The following MAST4 variants were observed in gnomAD, a reference collection of about 807,000 sequenced individuals.
MAST4 encodes the protein microtubule-associated serine/threonine-protein kinase 4.
A neutral mutation model predicts 162.7 loss-of-function variants in MAST4; 89 were observed. That is an observed-to-expected ratio of 0.55 (90% CI 0.46 to 0.65). The LOEUF (loss-of-function observed/expected upper bound fraction) is 0.65. Ranked by LOEUF, MAST4 falls within the 30% of genes least tolerant of loss-of-function variation. The probability of loss-of-function intolerance (pLI) is 0.00; values close to 1 mark genes in which losing one functional copy is unlikely to be tolerated. For missense variants in MAST4, 3,153 were observed against 3,374.0 expected (o/e 0.93, Z 1.62); for synonymous variants, 1,479 against 1,361.1 (o/e 1.09, Z -1.91).
At chr5:66,820,650 C>T (rs1055048411) in intron 3 of MAST4, among the ~76,000 whole-genome samples, 2 of 152,024 alleles carry the variant, frequency 1.3e-5, no homozygotes, top group Admixed American at 6.6e-5. Flanking sequence ...TTGTTGGATT[C>T]GTGTGTTTGC....
At chr5:67,107,454 G>A (rs574050590) in intron 10 of MAST4, among the ~76,000 whole-genome samples, 1 of 152,328 alleles carries the variant, frequency 6.6e-6, no homozygotes, top group Admixed American at 6.5e-5. Context: ...TTCTTGTTTA[G>A]CTTTGCAGAT....
intron 2 of MAST4, among the ~76,000 whole-genome samples, chr5:66,782,104 C>T (rs1190849924): frequency 1.3e-5 from 2 of 151,984 alleles, no homozygotes; most frequent in Non-Finnish European, 2.9e-5. Flanking sequence ...GCCTGGCCGA[C>T]ATGGTGAAAC....
In MAST4 at chr5:67,086,369, C is replaced by G. The variant is rs569436469; in HGVS notation, c.764-3793C>G. ...GGACTTCTCCAATCTAATTACAAAG[C>G]AATCAAACAATTTAATTAATCTGGA... On this transcript the variant is annotated intron_variant, in intron 5 of 28. Coordinates refer to ENST00000403625, the MANE Select transcript of MAST4 (RefSeq NM_001164664.2). Among the ~76,000 whole-genome samples, 5 of 152,320 alleles carry G rather than the reference C, an allele frequency of 3.3e-5. No homozygotes were observed. The South Asian group carries it at 6.2e-4, about 19-fold the overall frequency.
chr5:67,065,433 C>T (rs1038963816), intron 5 of MAST4, among the ~76,000 whole-genome samples: 2 of 152,154 alleles, frequency 1.3e-5, no homozygotes, highest in African/African-American at 4.8e-5. Context: ...TGTCTTCCTC[C>T]AGTCATTAGC....
rs770262352 is a variant in MAST4 at position 66,597,005 on chromosome 5, A to T, written c.350A>T (p.Glu117Val). 141 of 1,448,536 alleles carry T rather than the reference A, an allele frequency of 9.7e-5. No individual in the cohort carries two copies. In the Admixed American group the frequency reaches 2.0e-3, roughly 20 times the overall value. 89.7% of individuals were successfully genotyped at this position (1,448,536 alleles called of 1,614,324 possible). A position where few individuals can be genotyped will look rare whatever the true frequency, so the allele number is the denominator to read the frequency against. Reference protein sequence around the residue: ...APRGSSASQEEQDEELDHILS... With the variant: ...APRGSSASQEVQDEELDHILS... ...CGGGGCAGCAGCGCGTCCCAGGAGG[A>T]GCAGGACGAGGAGGTGGGCCTTTCC... The change falls in exon 1 of 29, where the codon GAG becomes GTG. Residue 117 changes from glutamate to valine, a missense_variant. Physicochemically the swap from Glu to Val is moderately radical, Grantham distance 121. Transcript: ENST00000403625.
intron 3 of MAST4, among the ~76,000 whole-genome samples, chr5:66,817,057 T>G (rs749943338): frequency 2.0e-5 from 3 of 152,174 alleles, no homozygotes; most frequent in Non-Finnish European, 4.4e-5. Flanking sequence ...CACCAGCACC[T>G]GGAGTATCTT....
chr5:66,924,214 G>T (rs1764726351), intron 4 of MAST4, among the ~76,000 whole-genome samples: 1 of 152,074 alleles, frequency 6.6e-6, no homozygotes, highest in Admixed American at 6.5e-5. Context: ...TGTACATTTT[G>T]ACCTTTCTGA....
chr5:66,825,261 G>GACACACACACACACAC (rs56076405), intron 3 of MAST4, among the ~76,000 whole-genome samples: 5 of 135,648 alleles, frequency 3.7e-5, no homozygotes, highest in African/African-American at 1.4e-4. Flanking sequence ...TAAAAACTAA[G>GACACACACACACACAC]ACACACACAC....
chr5:67,057,606 GAAGGA>G (rs1424678191), intron 5 of MAST4, among the ~76,000 whole-genome samples: 1 of 108,786 alleles, frequency 9.2e-6, no homozygotes, highest in African/African-American at 3.4e-5. Context: ...AAAAAAAAAA[GAAGGA>G]AAGAAAAGAA....
chr5:66,664,062 G>A (rs751324736), intron 1 of MAST4, among the ~76,000 whole-genome samples: 10 of 152,094 alleles, frequency 6.6e-5, no homozygotes, highest in Non-Finnish European at 1.0e-4. Context: ...AAGAGAGGAG[G>A]TACCAAGAGT....
At chr5:67,018,788 A>G (rs1191465254) in intron 4 of MAST4, among the ~76,000 whole-genome samples, 3 of 152,258 alleles carry the variant, frequency 2.0e-5, no homozygotes, top group Non-Finnish European at 4.4e-5. Context: ...GATAAATTAC[A>G]AGTACCTTAT....
At chr5:67,069,287 GATATATAT>G (rs6149054) in intron 5 of MAST4, among the ~76,000 whole-genome samples, 1 of 107,648 alleles carries the variant, frequency 9.3e-6, no homozygotes, top group Non-Finnish European at 1.8e-5. Context: ...GAGGAGATTG[GATATATAT>G]ATATATATAT....
chr5:67,093,271 A>G (rs1764064256), intron 6 of MAST4, among the ~76,000 whole-genome samples: 1 of 152,196 alleles, frequency 6.6e-6, no homozygotes, highest in Non-Finnish European at 1.5e-5. Flanking sequence ...CACAAGGAAA[A>G]AGACTCTTTT....
At chr5:66,642,432 A>G (rs1293493584) in intron 1 of MAST4, among the ~76,000 whole-genome samples, 2 of 152,226 alleles carry the variant, frequency 1.3e-5, no homozygotes, top group East Asian at 3.8e-4. Context: ...TCAGACAATT[A>G]GGAAAATTGG....
At chr5:67,050,051 C>A (rs1757978302) in intron 4 of MAST4, among the ~76,000 whole-genome samples, 1 of 152,048 alleles carries the variant, frequency 6.6e-6, no homozygotes, top group South Asian at 2.1e-4. Flanking sequence ...TACTTGGAAC[C>A]AAAAATACAT....
At chr5:66,690,045 C>T (rs1480938818) in intron 1 of MAST4, among the ~76,000 whole-genome samples, 1 of 152,112 alleles carries the variant, frequency 6.6e-6, no homozygotes, top group Non-Finnish European at 1.5e-5. Context: ...CATTAATCAC[C>T]ATAAGTAATG....
chr5:66,844,138 CCTGTGTGT>C (rs1312416571), intron 3 of MAST4, among the ~76,000 whole-genome samples: 1 of 111,340 alleles, frequency 9.0e-6, no homozygotes, highest in Non-Finnish European at 1.8e-5. Flanking sequence ...TCCCAGTCAG[CCTGTGTGT>C]GTGTGTGTGT....
chr5:66,878,958 G>A (rs1157789137), intron 3 of MAST4, among the ~76,000 whole-genome samples: 1 of 152,224 alleles, frequency 6.6e-6, no homozygotes, highest in African/African-American at 2.4e-5. Flanking sequence ...CATACGCATA[G>A]GAAATGATTC....
intron 3 of MAST4, among the ~76,000 whole-genome samples, chr5:66,809,211 A>G (rs1756355526): frequency 6.6e-6 from 1 of 152,224 alleles, no homozygotes. Context: ...CTCAGAGGGA[A>G]AGGCGTATGA....
Sources: allele counts gnomAD v4.1 joint callset (sites outside exome capture counted in the v4.1 genomes callset), GRCh38; gene constraint gnomAD v4.1.1; transcripts MANE v1.5; gene names NCBI Gene and HGNC (gene_info 2026-07-23, HGNC 2026-07-21).